The following MTDH variants were observed in gnomAD, a reference collection of about 807,000 sequenced individuals.
MTDH encodes the protein protein LYRIC.
MTDH carries 34 observed loss-of-function variants against 72.7 expected under a neutral mutation model. The ratio of observed to expected loss-of-function variants is 0.47; its 90% CI spans 0.36 to 0.62. The LOEUF is 0.62. MTDH is among the 20% of genes least tolerant of loss of function. MTDH has a pLI of 0.00. For synonymous variants in MTDH, 266 were observed against 268.9 expected (o/e 0.99, Z 0.10); for missense variants, 677 against 699.4 (o/e 0.97, Z 0.36).
At chr8:97,702,544 A>T (rs1814175051) in intron 7 of MTDH, among the ~76,000 whole-genome samples, 1 of 152,256 alleles carries the variant, frequency 6.6e-6, no homozygotes, top group Non-Finnish European at 1.5e-5. Context: ...TCTAGTGGCA[A>T]AATTAGTCTA....
At chr8:97,666,637 T>G (rs1812399930) in intron 2 of MTDH, among the ~76,000 whole-genome samples, 1 of 152,222 alleles carries the variant, frequency 6.6e-6, no homozygotes, top group Non-Finnish European at 1.5e-5. Context: ...CGATAATAGG[T>G]AAAACTGCTG....
chr8:97,719,011 A>G (rs182722633), intron 9 of MTDH, 38 bp from the exon 10 acceptor site: 77 of 1,531,128 alleles, frequency 5.0e-5, no homozygotes. Context: ...TGAAGAATGA[A>G]TGCTTTATAT....
chr8:97,670,952 GT>G (rs1160758851), intron 2 of MTDH, among the ~76,000 whole-genome samples: 8,658 of 78,364 alleles, frequency 0.11, 83 homozygotes, highest in East Asian at 0.16. Context: ...TGTTGTTGTT[GT>G]TTTTTTTTTT....
chr8:97,697,150 A>ATATATATATATATATATATATATTTTT, intron 6 of MTDH, among the ~76,000 whole-genome samples: 2 of 68,800 alleles, frequency 2.9e-5, no homozygotes, highest in African/African-American at 9.1e-5. Flanking sequence ...ATATATATAT[A>ATATATATATATATATATATATATTTTT]TTTTTTTTTT....
chr8:97,678,625 G>C (rs1195542070), intron 2 of MTDH, among the ~76,000 whole-genome samples: 3 of 82,780 alleles, frequency 3.6e-5, no homozygotes, highest in East Asian at 9.0e-4. Context: ...TTTTGAGAGA[G>C]AGACAGAATT....
intron 10 of MTDH, 109 bp downstream of exon 10, chr8:97,719,298 G>T: frequency 8.7e-7 from 1 of 1,143,446 alleles, no homozygotes; most frequent in Non-Finnish European, 1.2e-6. Flanking sequence ...TTCAAGAGCA[G>T]CCTGGCCAAC....
Position 97,713,787 on chromosome 8 carries a change from C to T in MTDH, c.1380+18C>T. On this transcript the variant is annotated intron_variant, in intron 9 of 11. Transcript: ENST00000336273. Reference sequence around the variant, plus strand: ...CTGCACAGGTAAAATGTCAGAACAACAAGCATTCATTAAGCGCCTCCGGCT... The same window carrying T: ...CTGCACAGGTAAAATGTCAGAACAATAAGCATTCATTAAGCGCCTCCGGCT... 1 of 1,463,512 alleles carries T rather than the reference C, an allele frequency of 6.8e-7. No homozygotes were observed. The highest frequency in any genetic ancestry group is 1.3e-5 in the South Asian group (1 of 76,046). The allele number at this position is 1,463,512 out of a possible 1,614,324, so 90.7% of individuals were successfully genotyped here. A position where few individuals can be genotyped will look rare whatever the true frequency, so the allele number is the denominator to read the frequency against.
intron 2 of MTDH, among the ~76,000 whole-genome samples, chr8:97,682,233 TA>T (rs1813114685): frequency 3.6e-3 from 6 of 1,668 alleles, no homozygotes; most frequent in South Asian, 0.014. Flanking sequence ...AATTACTTTA[TA>T]TATATATATA....
intron 1 of MTDH, among the ~76,000 whole-genome samples, chr8:97,649,058 CACTT>C (rs1440513425): frequency 5.3e-5 from 8 of 152,160 alleles, no homozygotes; most frequent in Admixed American, 2.6e-4. Flanking sequence ...GATACACAAA[CACTT>C]ACCATTGTGT....
intron 2 of MTDH, among the ~76,000 whole-genome samples, chr8:97,668,265 C>T (rs957223310): frequency 3.3e-5 from 5 of 151,742 alleles, no homozygotes; most frequent in Non-Finnish European, 5.9e-5. Flanking sequence ...CCAGCCTGGG[C>T]GACAAAGCTA....
chr8:97,710,534 C>CAA (rs34089678), intron 8 of MTDH, among the ~76,000 whole-genome samples: 1 of 141,852 alleles, frequency 7.0e-6, no homozygotes. Context: ...ACTAAAAATA[C>CAA]AAAAAAAAAA....
intron 2 of MTDH, among the ~76,000 whole-genome samples, chr8:97,679,381 T>C (rs575338780): frequency 6.6e-6 from 1 of 152,292 alleles, no homozygotes; most frequent in South Asian, 2.1e-4. Flanking sequence ...TACCAAAAAC[T>C]GTAGAACTTT....
chr8:97,709,735 G>A (rs1814543370), intron 8 of MTDH, among the ~76,000 whole-genome samples: 1 of 152,220 alleles, frequency 6.6e-6, no homozygotes, highest in African/African-American at 2.4e-5. Context: ...GATAGACACA[G>A]AAGTTGTTCA....
chr8:97,677,290 G>A (rs1180197618), intron 2 of MTDH, among the ~76,000 whole-genome samples: 1 of 149,048 alleles, frequency 6.7e-6, no homozygotes, highest in Non-Finnish European at 1.5e-5. Flanking sequence ...TCAAAAGTTC[G>A]AGACCAGCCT....
intron 1 of MTDH, among the ~76,000 whole-genome samples, chr8:97,659,750 A>G (rs1338075673): frequency 1.3e-5 from 2 of 152,236 alleles, no homozygotes; most frequent in Non-Finnish European, 2.9e-5. Flanking sequence ...TTTGAGGGGA[A>G]TGCATAAGTG....
intron 2 of MTDH, among the ~76,000 whole-genome samples, chr8:97,673,247 A>G (rs1446439814): frequency 6.6e-6 from 1 of 152,214 alleles, no homozygotes; most frequent in African/African-American, 2.4e-5. Flanking sequence ...TAGGCCAGGC[A>G]TGGTGGCTCA....
At chr8:97,709,046 C>T (rs142174985) in intron 8 of MTDH, among the ~76,000 whole-genome samples, 8 of 152,102 alleles carry the variant, frequency 5.3e-5, no homozygotes, top group African/African-American at 1.7e-4. Flanking sequence ...CAAACATTAG[C>T]TGGGCATGGT....
At chr8:97,690,536 G>A (rs1253225817) in intron 5 of MTDH, among the ~76,000 whole-genome samples, 1 of 152,050 alleles carries the variant, frequency 6.6e-6, no homozygotes, top group Non-Finnish European at 1.5e-5. Context: ...GATTTTAATT[G>A]GTCTGGGCTG....
At chr8:97,661,012 A>G in intron 1 of MTDH, 60 bp from the exon 2 acceptor site, 2 of 1,361,268 alleles carry the variant, frequency 1.5e-6, no homozygotes, top group Non-Finnish European at 2.1e-6. Flanking sequence ...CCTGCGTATA[A>G]ATCTTTGCAC....
Sources: gnomAD v4.1 joint callset for allele counts (sites outside exome capture counted in the v4.1 genomes callset) on GRCh38, gnomAD v4.1.1 for gene constraint, MANE v1.5 for transcripts, NCBI Gene and HGNC (gene_info 2026-07-23, HGNC 2026-07-21) for gene names.